The following LARGE1 variants were observed in gnomAD, a reference collection of about 807,000 sequenced individuals.
LARGE1 encodes LARGE xylosyl- and glucuronyltransferase 1.
In LARGE1, 43 loss-of-function variants were observed where a neutral mutation model predicts 87.6. The ratio of observed to expected loss-of-function variants is 0.49; its 90% confidence interval spans 0.38 to 0.63. LARGE1 has a LOEUF of 0.63. Among genes scored for constraint, LARGE1 ranks in the 30% least tolerant of loss-of-function variants. The probability of loss-of-function intolerance (pLI) is 0.00; values close to 1 mark genes in which losing one functional copy is unlikely to be tolerated. For synonymous variants in LARGE1, 434 were observed against 394.6 expected, an observed-to-expected ratio of 1.10 and a Z score of -1.18; for missense variants, 802 against 1,000.2, an observed-to-expected ratio of 0.80 and a Z score of 2.67.
chr22:33,471,950 T>A (rs1463795474), intron 6 of LARGE1, among the ~76,000 whole-genome samples: 1 of 152,014 alleles, frequency 6.6e-6, no homozygotes, highest in African/African-American at 2.4e-5. Flanking sequence ...CTCGGGAGGC[T>A]GAGGCAGGAG....
intron 10 of LARGE1, among the ~76,000 whole-genome samples, chr22:33,319,705 T>G (rs1353990076): frequency 6.6e-6 from 1 of 152,130 alleles, no homozygotes; most frequent in Non-Finnish European, 1.5e-5. Context: ...CAATAAATGC[T>G]TCTTGAAGGC....
intron 10 of LARGE1, among the ~76,000 whole-genome samples, chr22:33,325,555 G>A (rs1468236398): frequency 6.6e-6 from 1 of 152,242 alleles, no homozygotes; most frequent in Non-Finnish European, 1.5e-5. Context: ...CACCCATGTG[G>A]ACTTTCTGCA....
intron 1 of LARGE1, among the ~76,000 whole-genome samples, chr22:33,861,149 C>A (rs1443358667): frequency 6.6e-6 from 1 of 152,154 alleles, no homozygotes; most frequent in Non-Finnish European, 1.5e-5. Flanking sequence ...ATCTGTGCGG[C>A]AAGGAAAAGG....
chr22:33,844,180 A>T (rs2063363056), intron 1 of LARGE1, among the ~76,000 whole-genome samples: 1 of 152,140 alleles, frequency 6.6e-6, no homozygotes, highest in Non-Finnish European at 1.5e-5. Flanking sequence ...GAAAGACAGG[A>T]TACCTCTTGA....
chr22:33,767,235 T>C (rs1482858412), intron 1 of LARGE1, among the ~76,000 whole-genome samples: 1 of 151,012 alleles, frequency 6.6e-6, no homozygotes, highest in African/African-American at 2.4e-5. Flanking sequence ...GGCAGGAGAA[T>C]TGCTTGAACC....
At chr22:33,101,683 T>A in the LARGE1 span, among the ~76,000 whole-genome samples, 1 of 152,164 alleles carries the variant, frequency 6.6e-6, no homozygotes, top group Non-Finnish European at 1.5e-5. Context: ...TGAAAATAAA[T>A]GCTTCTCTTT....
At chr22:33,729,781 T>C (rs2083394137) in intron 2 of LARGE1, among the ~76,000 whole-genome samples, 1 of 152,250 alleles carries the variant, frequency 6.6e-6, no homozygotes, top group East Asian at 1.9e-4. Flanking sequence ...TGCAAAGATC[T>C]TTATCTCTGC....
At chr22:33,583,816 G>T (rs1011020810) in intron 5 of LARGE1, among the ~76,000 whole-genome samples, 14 of 152,130 alleles carry the variant, frequency 9.2e-5, no homozygotes, top group African/African-American at 3.4e-4. Context: ...AACACACTTT[G>T]TGATAGATAG....
chr22:33,478,921 C>T (rs900020089), intron 6 of LARGE1, among the ~76,000 whole-genome samples: 2 of 152,154 alleles, frequency 1.3e-5, no homozygotes, highest in Non-Finnish European at 2.9e-5. Context: ...GGACTTAGAC[C>T]TTCCATTTAG....
chr22:33,616,054 T>G (rs1291128408), intron 4 of LARGE1, among the ~76,000 whole-genome samples: 1 of 152,206 alleles, frequency 6.6e-6, no homozygotes, highest in Non-Finnish European at 1.5e-5. Context: ...CCTCAATGGT[T>G]ACCGGTGGAA....
the LARGE1 span, among the ~76,000 whole-genome samples, chr22:33,080,830 G>C: frequency 6.6e-6 from 1 of 152,096 alleles, no homozygotes; most frequent in Non-Finnish European, 1.5e-5. Context: ...ACTGAACCTC[G>C]GTTCAGTTTA....
At chr22:33,088,592 C>T in the LARGE1 span, among the ~76,000 whole-genome samples, 1 of 152,130 alleles carries the variant, frequency 6.6e-6, no homozygotes, top group African/African-American at 2.4e-5. Context: ...GTGTTACTGG[C>T]AGAGCATGTG....
At chr22:33,463,345 A>G (rs150156363) in intron 6 of LARGE1, among the ~76,000 whole-genome samples, 1 of 152,202 alleles carries the variant, frequency 6.6e-6, no homozygotes, top group Non-Finnish European at 1.5e-5. Context: ...CAAAAAACAC[A>G]TTACTAGAAG....
chr22:33,620,131 T>C (rs1602751104), intron 4 of LARGE1, among the ~76,000 whole-genome samples: 1 of 152,348 alleles, frequency 6.6e-6, no homozygotes, highest in Non-Finnish European at 1.5e-5. Flanking sequence ...GAATATGCTC[T>C]TTTATTCACC....
chr22:33,164,056 G>C (rs1922136113), exon 12 of LARGE1: 1 of 152,176 alleles, frequency 6.6e-6, no homozygotes, highest in Non-Finnish European at 1.5e-5. Flanking sequence ...CTCCCTGTTT[G>C]TGCCCCATTA....
intron 1 of LARGE1, among the ~76,000 whole-genome samples, chr22:33,903,449 A>T (rs796885209): frequency 3.3e-5 from 5 of 152,166 alleles, no homozygotes; most frequent in South Asian, 2.1e-4. Flanking sequence ...GAATTTTTTT[A>T]AAAAATAAAT....
intron 6 of LARGE1, among the ~76,000 whole-genome samples, chr22:33,543,503 C>A (rs1393763278): frequency 2.0e-5 from 3 of 152,066 alleles, no homozygotes; most frequent in Non-Finnish European, 4.4e-5. Context: ...GGGTAAAGGC[C>A]CTGTCAATAA....
intron 11 of LARGE1, among the ~76,000 whole-genome samples, chr22:33,206,233 G>A (rs999760154): frequency 1.3e-5 from 2 of 152,124 alleles, no homozygotes; most frequent in Admixed American, 1.3e-4. Context: ...TGGGATTACA[G>A]GCGTGAGCCA....
intron 9 of LARGE1, among the ~76,000 whole-genome samples, chr22:33,344,017 C>T (rs1021433447): frequency 6.6e-6 from 1 of 152,116 alleles, no homozygotes; most frequent in Non-Finnish European, 1.5e-5. Flanking sequence ...GGCTGGGAGG[C>T]TAGGCCAGTC....
Sources: allele counts gnomAD v4.1 joint callset (sites outside exome capture counted in the v4.1 genomes callset), GRCh38; gene constraint gnomAD v4.1.1; transcripts MANE v1.5; gene names NCBI Gene and HGNC (gene_info 2026-07-23, HGNC 2026-07-21).